The following SETBP1 variants were observed in gnomAD, a reference collection of about 807,000 sequenced individuals.
SETBP1 encodes SET-binding protein.
A neutral mutation model predicts 101.0 loss-of-function variants in SETBP1; 9 were observed. The ratio of observed to expected loss-of-function variants is 0.09; its 90% CI spans 0.05 to 0.16. The LOEUF (loss-of-function observed/expected upper bound fraction) is 0.16. SETBP1 is among the 10% of genes least tolerant of loss of function. SETBP1 has a pLI of 1.00. For synonymous variants in SETBP1, 818 were observed against 788.5 expected (o/e 1.04, Z -0.63); for missense variants, 1,858 against 2,033.8 (o/e 0.91, Z 1.66).
intron 4 of SETBP1, among the ~76,000 whole-genome samples, chr18:45,036,520 G>C (rs976176173): frequency 6.6e-6 from 1 of 152,040 alleles, no homozygotes; most frequent in Non-Finnish European, 1.5e-5. Context: ...TACAAACAAG[G>C]CATATTATAC....
chr18:44,951,405 G>A lies in SETBP1; in HGVS notation c.2065G>A (p.Ala689Thr). The A allele has an allele frequency of 6.2e-7, 1 of 1,614,144 alleles. No homozygotes were observed. The highest frequency in any genetic ancestry group is 8.5e-7 in the Non-Finnish European group (1 of 1,180,030). The change falls in exon 4 of 6, where the codon GCT becomes ACT. Residue 689 changes from alanine to threonine, a missense_variant. Ala to Thr is a moderately conservative substitution (Grantham distance 58). Transcript: ENST00000649279. The surrounding 1 kb of genome is among the most constrained non-coding windows in gnomAD (Gnocchi z 7.8). ...NQILSCSSSV[A>T]LKAKAPPETS... ...GATCTTGTCCTGTTCCAGCAGCGTT[G>A]CTCTGAAGGCAAAAGCTCCCCCAGA... is the stretch of plus-strand genomic sequence containing the variant.
At chr18:45,049,099 AATAG>A (rs2073677121) in intron 5 of SETBP1, among the ~76,000 whole-genome samples, 1 of 152,134 alleles carries the variant, frequency 6.6e-6, no homozygotes, top group Non-Finnish European at 1.5e-5. Flanking sequence ...TTTTTAAATG[AATAG>A]ATCGAATAAC....
At chr18:44,943,542 A>G (rs973697850) in intron 3 of SETBP1, among the ~76,000 whole-genome samples, 7 of 152,190 alleles carry the variant, frequency 4.6e-5, no homozygotes, top group African/African-American at 1.7e-4. Flanking sequence ...AAAAAGTACT[A>G]CTGTTCAGGT....
chr18:44,782,545 T>C (rs1376196864), intron 2 of SETBP1, among the ~76,000 whole-genome samples: 1 of 152,170 alleles, frequency 6.6e-6, no homozygotes, highest in African/African-American at 2.4e-5. Flanking sequence ...CCTGGCTGTA[T>C]GGAAATCATC....
chr18:44,695,094 G>T (rs1003410452), intron 1 of SETBP1, among the ~76,000 whole-genome samples: 2 of 152,074 alleles, frequency 1.3e-5, no homozygotes, highest in Admixed American at 6.5e-5. Context: ...AATCAAATTG[G>T]TATTATGGAG....
intron 2 of SETBP1, among the ~76,000 whole-genome samples, chr18:44,792,916 G>A (rs567892958): frequency 6.6e-6 from 1 of 152,240 alleles, no homozygotes; most frequent in African/African-American, 2.4e-5. Flanking sequence ...TATTCAGAGT[G>A]TCTGACTGCT....
intron 2 of SETBP1, among the ~76,000 whole-genome samples, chr18:44,804,164 C>A (rs2071675841): frequency 6.6e-6 from 1 of 152,024 alleles, no homozygotes; most frequent in African/African-American, 2.4e-5. Context: ...TAAAATTGAA[C>A]AAGTTAATCT....
At chr18:45,026,126 C>T (rs9967367) in intron 4 of SETBP1, among the ~76,000 whole-genome samples, 55,944 of 152,076 alleles carry the variant, frequency 0.37, 11,026 homozygotes, top group East Asian at 0.52. Flanking sequence ...GCATTGATTA[C>T]TAAGTCCTTC....
intron 4 of SETBP1, among the ~76,000 whole-genome samples, chr18:44,991,075 C>T (rs2072363486): frequency 6.6e-6 from 1 of 151,398 alleles, no homozygotes; most frequent in African/African-American, 2.4e-5. Context: ...AACCGTGTCT[C>T]TACTAAAAAT....
At chr18:44,837,668 G>A (rs550641482) in intron 2 of SETBP1, among the ~76,000 whole-genome samples, 67 of 152,346 alleles carry the variant, frequency 4.4e-4, no homozygotes, top group African/African-American at 1.5e-3. Flanking sequence ...CTGCAGGAAG[G>A]AGCTGGGAGG....
chr18:44,956,863 T>C (rs1252242770), intron 4 of SETBP1, among the ~76,000 whole-genome samples: 1 of 152,244 alleles, frequency 6.6e-6, no homozygotes, highest in Non-Finnish European at 1.5e-5. Context: ...CAGCAGATGG[T>C]TGCATTGTCT....
intron 5 of SETBP1, among the ~76,000 whole-genome samples, chr18:45,047,309 C>T (rs556164451): frequency 9.9e-5 from 15 of 152,268 alleles, no homozygotes; most frequent in Non-Finnish European, 1.6e-4. Flanking sequence ...ATCAAATATT[C>T]AAGCTTCTCT....
chr18:44,917,332 G>C (rs2070452464), intron 3 of SETBP1, among the ~76,000 whole-genome samples: 1 of 152,170 alleles, frequency 6.6e-6, no homozygotes, highest in South Asian at 2.1e-4. Context: ...GCCCACTCTA[G>C]GGTCACTGCC....
At chr18:45,012,687 A>T (rs1413755484) in intron 4 of SETBP1, among the ~76,000 whole-genome samples, 1 of 152,234 alleles carries the variant, frequency 6.6e-6, no homozygotes, top group Admixed American at 6.5e-5. Flanking sequence ...AGCCATAAAA[A>T]AAATAAAATC....
At chr18:44,796,671 A>G (rs2071483348) in intron 2 of SETBP1, among the ~76,000 whole-genome samples, 1 of 152,224 alleles carries the variant, frequency 6.6e-6, no homozygotes, top group Non-Finnish European at 1.5e-5. Flanking sequence ...CACAGTCAGC[A>G]GCAATCCCTG....
At chr18:44,736,736 A>G (rs1306807473) in intron 2 of SETBP1, among the ~76,000 whole-genome samples, 1 of 152,246 alleles carries the variant, frequency 6.6e-6, no homozygotes, top group Non-Finnish European at 1.5e-5. Context: ...CAGTTCTCTC[A>G]TAACCCACAG....
chr18:44,780,532 G>C (rs1302203764), intron 2 of SETBP1, among the ~76,000 whole-genome samples: 1 of 152,122 alleles, frequency 6.6e-6, no homozygotes, highest in African/African-American at 2.4e-5. Context: ...GTTCACGCTG[G>C]AACTTTTTCA....
At chr18:44,830,341 G>T (rs1220843010) in intron 2 of SETBP1, among the ~76,000 whole-genome samples, 1 of 152,160 alleles carries the variant, frequency 6.6e-6, no homozygotes, top group Non-Finnish European at 1.5e-5. Context: ...AAATTCTTGT[G>T]CAAAACAGTG....
chr18:44,713,349 G>A (rs941973354), intron 2 of SETBP1, among the ~76,000 whole-genome samples: 4 of 152,218 alleles, frequency 2.6e-5, no homozygotes, highest in East Asian at 3.9e-4. Flanking sequence ...GGGGGGGGAC[G>A]TGCCACCTTT....
Sources: gnomAD v4.1 joint callset for allele counts (sites outside exome capture counted in the v4.1 genomes callset) on GRCh38, gnomAD v4.1.1 for gene constraint, Gnocchi (gnomAD v3.1) non-coding constraint, MANE v1.5 for transcripts, NCBI Gene and HGNC (gene_info 2026-07-23, HGNC 2026-07-21) for gene names.